The following LRP1B variants were observed in gnomAD, a reference collection of about 807,000 sequenced individuals.
LRP1B encodes LDL receptor related protein 1B.
A neutral mutation model predicts 556.6 loss-of-function variants in LRP1B; 217 were observed. That is an observed-to-expected ratio of 0.39 (90% CI 0.35 to 0.44). LRP1B has a LOEUF of 0.44. Among genes scored for constraint, LRP1B ranks in the 20% least tolerant of loss-of-function variants. The pLI, the probability that LRP1B is intolerant of heterozygous loss-of-function variation, is 1.00. For missense variants in LRP1B, 5,053 were observed against 5,620.8 expected (o/e 0.90, Z 3.23); for synonymous variants, 2,047 against 1,865.8 (o/e 1.10, Z -2.50).
intron 2 of LRP1B, among the ~76,000 whole-genome samples, chr2:141,593,233 A>G (rs1210618313): frequency 6.6e-6 from 1 of 152,134 alleles, no homozygotes; most frequent in Non-Finnish European, 1.5e-5. Context: ...CATAGAAAAA[A>G]CCTGGACCCA....
chr2:140,636,702 AAT>A (rs1235210014), intron 41 of LRP1B, among the ~76,000 whole-genome samples: 9 of 152,220 alleles, frequency 5.9e-5, no homozygotes, highest in African/African-American at 2.2e-4. Flanking sequence ...AATAGCATTG[AAT>A]ATGTGTTTAA....
At chr2:141,259,079 A>C (rs1558965555) in intron 3 of LRP1B, among the ~76,000 whole-genome samples, 1 of 152,330 alleles carries the variant, frequency 6.6e-6, no homozygotes, top group South Asian at 2.1e-4. Flanking sequence ...TTTACAAGTA[A>C]TGGGTAGCTT....
intron 7 of LRP1B, among the ~76,000 whole-genome samples, chr2:141,072,841 A>G (rs1699683724): frequency 6.6e-6 from 1 of 152,104 alleles, no homozygotes; most frequent in African/African-American, 2.4e-5. Flanking sequence ...CAGCTAAAAT[A>G]TCTATTTCTA....
At chr2:141,051,308 C>T (rs1235769050) in intron 10 of LRP1B, among the ~76,000 whole-genome samples, 1 of 152,042 alleles carries the variant, frequency 6.6e-6, no homozygotes, top group African/African-American at 2.4e-5. Flanking sequence ...AATCATTCTA[C>T]TATAAAGATA....
intron 2 of LRP1B, among the ~76,000 whole-genome samples, chr2:141,676,599 A>C (rs918471217): frequency 6.6e-6 from 1 of 152,128 alleles, no homozygotes; most frequent in Non-Finnish European, 1.5e-5. Context: ...CTTGGAGCAC[A>C]TTGATTTTTC....
intron 27 of LRP1B, among the ~76,000 whole-genome samples, chr2:140,866,651 A>C (rs1241459697): frequency 1.3e-5 from 2 of 152,126 alleles, no homozygotes; most frequent in East Asian, 3.9e-4. Flanking sequence ...GAAAGGACAC[A>C]GAAAATTTTG....
At chr2:141,985,395 AT>A (rs1168176515) in intron 1 of LRP1B, among the ~76,000 whole-genome samples, 61 of 152,138 alleles carry the variant, frequency 4.0e-4, no homozygotes, top group Admixed American at 1.2e-3. Context: ...ACTATTTTAT[AT>A]TTCGGTTTAG....
rs111247166 is a variant in LRP1B, at chr2:140,519,724, C to T, written c.8027-2713G>A. Among the ~76,000 whole-genome samples the T allele has an allele frequency of 1.3e-3, 200 of 152,144 alleles. 4 individuals are homozygous for T. Among genetic ancestry groups the T allele is most frequent in the African/African-American group, 4.6e-3 (190 of 41,498 alleles). On this transcript the variant is annotated intron_variant, in intron 49 of 90. Transcript: ENST00000389484. The stretch of plus-strand genomic sequence containing the variant: ...TGCACTCTACCCATCTGACAAAGGG[C>T]TAATATCCAGAATCTACAAAGAACT...
chr2:140,271,716 A>AGG (rs976930215), intron 85 of LRP1B, among the ~76,000 whole-genome samples: 1 of 151,902 alleles, frequency 6.6e-6, no homozygotes, highest in African/African-American at 2.4e-5. Context: ...GACATAGAGA[A>AGG]GGAGTGGGTG....
intron 2 of LRP1B, among the ~76,000 whole-genome samples, chr2:141,677,897 G>A (rs1237913665): frequency 6.6e-6 from 1 of 152,206 alleles, no homozygotes; most frequent in African/African-American, 2.4e-5. Context: ...GCTGACAGCT[G>A]TAGAGACAGA....
intron 56 of LRP1B, among the ~76,000 whole-genome samples, chr2:140,494,263 A>T (rs1366504060): frequency 1.3e-5 from 2 of 152,168 alleles, no homozygotes; most frequent in Non-Finnish European, 1.5e-5. Flanking sequence ...ACAATCCTTT[A>T]TTAATGTTTA....
At chr2:141,444,216 G>A (rs184673043) in intron 3 of LRP1B, among the ~76,000 whole-genome samples, 176 of 152,264 alleles carry the variant, frequency 1.2e-3, no homozygotes, top group African/African-American at 4.1e-3. Flanking sequence ...GTTCACTCAT[G>A]ATTTGGCTCT....
chr2:141,660,676 C>T (rs1690182931), intron 2 of LRP1B, among the ~76,000 whole-genome samples: 1 of 152,184 alleles, frequency 6.6e-6, no homozygotes, highest in Non-Finnish European at 1.5e-5. Context: ...ACTCTGATCT[C>T]TCTGGGACGG....
chr2:141,814,597 GT>G (rs902123460), intron 1 of LRP1B, among the ~76,000 whole-genome samples: 2 of 152,148 alleles, frequency 1.3e-5, no homozygotes, highest in Middle Eastern at 3.2e-3. Context: ...CAAATATTAT[GT>G]TCACCATCTA....
intron 18 of LRP1B, among the ~76,000 whole-genome samples, chr2:140,967,013 CT>C (rs1306687114): frequency 6.6e-6 from 1 of 152,084 alleles, no homozygotes; most frequent in African/African-American, 2.4e-5. Context: ...TTAGGATTGT[CT>C]TGGCAATGAG....
At chr2:141,172,584 T>C (rs2105147453) in intron 7 of LRP1B, among the ~76,000 whole-genome samples, 1 of 152,066 alleles carries the variant, frequency 6.6e-6, no homozygotes, top group African/African-American at 2.4e-5. Flanking sequence ...ACCGAACAAG[T>C]TTTATGAGCT....
chr2:141,698,502 A>AAG (rs1381588313), intron 2 of LRP1B, among the ~76,000 whole-genome samples: 4 of 151,462 alleles, frequency 2.6e-5, no homozygotes, highest in African/African-American at 4.9e-5. Flanking sequence ...TTAAAAAAAA[A>AAG]AAAAAAGAGT....
chr2:141,579,579 G>T (rs1243399890), intron 2 of LRP1B, among the ~76,000 whole-genome samples: 1 of 151,980 alleles, frequency 6.6e-6, no homozygotes, highest in African/African-American at 2.4e-5. Flanking sequence ...GGGGTGGAAG[G>T]TGAGCAGAAT....
chr2:141,908,227 T>C (rs560927260), intron 1 of LRP1B, among the ~76,000 whole-genome samples: 1 of 152,198 alleles, frequency 6.6e-6, no homozygotes, highest in African/African-American at 2.4e-5. Flanking sequence ...TGTCATCATA[T>C]GGTCTGCCTT....
Sources: allele counts gnomAD v4.1 joint callset (sites outside exome capture counted in the v4.1 genomes callset), GRCh38; gene constraint gnomAD v4.1.1; transcripts MANE v1.5; gene names NCBI Gene and HGNC (gene_info 2026-07-23, HGNC 2026-07-21).